RORA: variants seen among roughly 807,000 people sequenced by gnomAD.
RORA encodes RAR related orphan receptor A.
A neutral mutation model predicts 69.5 loss-of-function variants in RORA; 7 were observed. The ratio of observed to expected loss-of-function variants is 0.10; its 90% CI spans 0.06 to 0.19. The LOEUF (loss-of-function observed/expected upper bound fraction) is 0.19. Among genes scored for constraint, RORA ranks in the 10% least tolerant of loss-of-function variants. RORA has a pLI of 1.00. For missense variants in RORA, 457 were observed against 663.0 expected (o/e 0.69, Z 3.41); for synonymous variants, 261 against 240.8 (o/e 1.08, Z -0.78).
rs1340755971 is a variant in RORA, at chr15:60,879,365, T to A, written c.167-200679A>T. On this transcript the variant is annotated intron_variant, in intron 1 of 10. Coordinates refer to ENST00000335670, the MANE Select transcript of RORA (RefSeq NM_134261.3). Reference sequence around the variant, plus strand: ...AACATGAGAATAATTATGGTACCCATACATCATAGGACTGTTGGGTAGAGT... The same window carrying A: ...AACATGAGAATAATTATGGTACCCAAACATCATAGGACTGTTGGGTAGAGT... Among the ~76,000 whole-genome samples the A allele has an allele frequency of 4.0e-5, 6 of 150,232 alleles. No individual in the cohort carries two copies. In the East Asian group the frequency reaches 1.2e-3, roughly 31 times the overall value.
chr15:60,976,196 C>T (rs1296760546), intron 1 of RORA, among the ~76,000 whole-genome samples: 1 of 152,178 alleles, frequency 6.6e-6, no homozygotes, highest in Admixed American at 6.5e-5. Context: ...TTGATGCTGG[C>T]AGGAGGGGCG....
At chr15:61,040,113 GATATATATATATATATAT>G (rs60830259) in intron 1 of RORA, among the ~76,000 whole-genome samples, 771 of 46,314 alleles carry the variant, frequency 0.017, 26 homozygotes, top group African/African-American at 0.026. Flanking sequence ...CACAAGCTTT[GATATATATATATATATAT>G]ATATATATAT....
At chr15:61,124,035 T>C (rs535591394) in intron 1 of RORA, among the ~76,000 whole-genome samples, 1 of 152,322 alleles carries the variant, frequency 6.6e-6, no homozygotes, top group Admixed American at 6.5e-5. Flanking sequence ...GAACAGCCAC[T>C]GGAGGCCTGT....
At chr15:60,805,843 A>G (rs556141827) in intron 1 of RORA, among the ~76,000 whole-genome samples, 1 of 152,298 alleles carries the variant, frequency 6.6e-6, no homozygotes, top group South Asian at 2.1e-4. Context: ...ATGCCTTCCA[A>G]AGACCCTTTT....
At chr15:61,052,659 T>C (rs1415341322) in intron 1 of RORA, among the ~76,000 whole-genome samples, 3 of 152,202 alleles carry the variant, frequency 2.0e-5, no homozygotes, top group Non-Finnish European at 4.4e-5. Context: ...TGAGAGCGCA[T>C]TTTGAGACTG....
chr15:61,044,086 C>A (rs1054385571), intron 1 of RORA, among the ~76,000 whole-genome samples: 1 of 151,964 alleles, frequency 6.6e-6, no homozygotes, highest in Non-Finnish European at 1.5e-5. Flanking sequence ...TTTAATGAAG[C>A]AGGATGGGCA....
At chr15:60,631,291 G>T (rs1249031990) in intron 2 of RORA, among the ~76,000 whole-genome samples, 1 of 152,100 alleles carries the variant, frequency 6.6e-6, no homozygotes, top group Non-Finnish European at 1.5e-5. Flanking sequence ...TCCACATTTT[G>T]ATTTTTGCTC....
intron 1 of RORA, among the ~76,000 whole-genome samples, chr15:60,994,508 C>G (rs574794088): frequency 1.1e-4 from 17 of 152,362 alleles, no homozygotes; most frequent in Middle Eastern, 3.4e-3. Flanking sequence ...AAAAAGGGGT[C>G]TAGGCCCATT....
chr15:60,496,581 G>A lies in RORA; in HGVS notation c.*874C>T, dbSNP rs1032699822. On this transcript the variant is annotated 3_prime_UTR_variant, in exon 11 of 11. Coordinates refer to ENST00000335670, the MANE Select transcript of RORA (RefSeq NM_134261.3). The surrounding 1 kb of genome is among the most constrained non-coding windows in gnomAD (Gnocchi z 4.5). Reference sequence around the variant, plus strand: ...CAAAGTATAATTTAGGGAGAGTTCCGTTTCTAATTCCAAATTCACATGTTA... The same window carrying A: ...CAAAGTATAATTTAGGGAGAGTTCCATTTCTAATTCCAAATTCACATGTTA... 9 of 151,836 alleles carry A rather than the reference G, an allele frequency of 5.9e-5. No individual in the cohort carries two copies. Among genetic ancestry groups the A allele is most frequent in the South Asian group, 2.1e-4 (1 of 4,810 alleles). 9.4% of individuals were successfully genotyped at this position (151,836 alleles called of 1,614,324 possible).
chr15:60,539,538 T>A (rs1432441791), intron 2 of RORA, among the ~76,000 whole-genome samples: 2 of 152,212 alleles, frequency 1.3e-5, no homozygotes, highest in Non-Finnish European at 2.9e-5. Context: ...ACAAACTGTT[T>A]AAGGCAGTTG....
At chr15:60,982,181 A>T (rs151270339) in intron 1 of RORA, among the ~76,000 whole-genome samples, 81 of 152,266 alleles carry the variant, frequency 5.3e-4, no homozygotes, top group African/African-American at 1.5e-3. Flanking sequence ...GATACCTTCA[A>T]CACTCAACCA....
At chr15:60,775,068 T>A (rs1427830020) in intron 1 of RORA, among the ~76,000 whole-genome samples, 1 of 152,224 alleles carries the variant, frequency 6.6e-6, no homozygotes, top group Non-Finnish European at 1.5e-5. Context: ...TACCTATGAT[T>A]CATGTGGCTG....
chr15:60,709,619 A>T (rs2071115500), intron 1 of RORA, among the ~76,000 whole-genome samples: 1 of 151,776 alleles, frequency 6.6e-6, no homozygotes, highest in Non-Finnish European at 1.5e-5. Context: ...TGAGGGATCT[A>T]GGTTGTGCGC....
At chr15:60,643,948 T>C (rs963457238) in intron 2 of RORA, among the ~76,000 whole-genome samples, 5 of 152,158 alleles carry the variant, frequency 3.3e-5, no homozygotes, top group Non-Finnish European at 7.4e-5. Flanking sequence ...AGGGCTTCTC[T>C]GAGACTTATT....
intron 1 of RORA, among the ~76,000 whole-genome samples, chr15:60,718,658 T>C (rs1390963369): frequency 6.6e-6 from 1 of 152,182 alleles, no homozygotes; most frequent in African/African-American, 2.4e-5. Context: ...GAGAAATTAA[T>C]ACACAAAGCT....
intron 1 of RORA, among the ~76,000 whole-genome samples, chr15:60,937,724 G>A (rs1892567986): frequency 6.6e-6 from 1 of 152,130 alleles, no homozygotes; most frequent in Non-Finnish European, 1.5e-5. Flanking sequence ...TCCAACTACT[G>A]TTACAGTTTG....
chr15:61,145,513 C>G (rs2079338253), intron 1 of RORA, among the ~76,000 whole-genome samples: 1 of 152,176 alleles, frequency 6.6e-6, no homozygotes, highest in South Asian at 2.1e-4. Flanking sequence ...ATTTTGTAAG[C>G]AACCACTGGT....
intron 1 of RORA, among the ~76,000 whole-genome samples, chr15:61,197,421 G>C (rs768493275): frequency 1.3e-5 from 2 of 152,276 alleles, no homozygotes; most frequent in Non-Finnish European, 2.9e-5. Context: ...AAGCACCGCC[G>C]GTCATGTGGC....
chr15:61,208,843 C>A (rs1051620341), intron 1 of RORA, among the ~76,000 whole-genome samples: 1 of 152,162 alleles, frequency 6.6e-6, no homozygotes, highest in Non-Finnish European at 1.5e-5. Flanking sequence ...ACACTCAGGG[C>A]ATTAACCATA....
Sources: allele counts gnomAD v4.1 joint callset (sites outside exome capture counted in the v4.1 genomes callset), GRCh38; gene constraint gnomAD v4.1.1; non-coding constraint Gnocchi (gnomAD v3.1); transcripts MANE v1.5; gene names NCBI Gene and HGNC (gene_info 2026-07-23, HGNC 2026-07-21).